Variants in NGFR observed in about 807,000 individuals in gnomAD.
The protein encoded by NGFR is tumor necrosis factor receptor superfamily member 16.
In NGFR, 30 loss-of-function variants were observed where a neutral mutation model predicts 43.2. That is an observed-to-expected ratio of 0.69 (90% CI 0.52 to 0.94). The LOEUF (loss-of-function observed/expected upper bound fraction) is 0.94. NGFR is among the 40% of genes least tolerant of loss of function. The probability of loss-of-function intolerance (pLI) is 0.00; values close to 1 mark genes in which losing one functional copy is unlikely to be tolerated. For synonymous variants in NGFR, 246 were observed against 259.6 expected, an observed-to-expected ratio of 0.95 and a Z score of 0.50; for missense variants, 529 against 602.5, an observed-to-expected ratio of 0.88 and a Z score of 1.28.
rs746803750 is a variant in NGFR, at chr17:49,506,623, G to A, written c.533G>A (p.Arg178His). ...TGCGAGGACACCGAGCGCCAGCTCC[G>A]CGAGTGCACACGCTGGGCCGACGCC... ...TVCEDTERQL[R>H]ECTRWADAEC... The change falls in exon 3 of 6, where the codon CGC becomes CAC. Residue 178 changes from arginine (R) to histidine (H), a missense_variant. Arg to His is a conservative substitution (Grantham distance 29). Transcript: ENST00000172229. 5 of 1,592,216 alleles carry A rather than the reference G, an allele frequency of 3.1e-6. No homozygotes were observed. The highest frequency in any genetic ancestry group is 2.7e-5 in the African/African-American group (2 of 74,382).
At chr17:49,506,055 G>C in intron 2 of NGFR, 1 of 649,362 alleles carries the variant, frequency 1.5e-6, no homozygotes, top group Non-Finnish European at 2.4e-6. Flanking sequence ...AAAGCCTCCC[G>C]GCCGGCCAGT....
rs943849256 is a variant in NGFR at position 49,510,442 on chromosome 17, C to T, written c.599C>T (p.Thr200Ile). Residue 200 changes from threonine (T) to isoleucine (I), a missense_variant, in exon 4 of 6, where the codon ACA becomes ATA. Coordinates refer to ENST00000172229, the MANE Select transcript of NGFR (RefSeq NM_002507.4). ...EIPGRWITRS[T>I]PPEGSDSTAP... ...CCTGGCCGTTGGATTACACGGTCCA[C>T]ACCCCCAGAGGGCTCGGACAGCACA... 9 of 1,613,932 alleles carry T rather than the reference C, an allele frequency of 5.6e-6. No homozygotes were observed. Among genetic ancestry groups the T allele is most frequent in the African/African-American group, 5.3e-5 (4 of 74,904 alleles).
At position 49,512,611 on chromosome 17, in the gene NGFR, A is replaced by G; in HGVS notation, c.983-97A>G. On this transcript the variant is annotated intron_variant, in intron 5 of 5. Coordinates refer to ENST00000172229, the MANE Select transcript of NGFR (RefSeq NM_002507.4). The surrounding 1 kb of genome is among the most constrained non-coding windows in gnomAD (Gnocchi z 5.2). ...GGCCCCAGGCCTCCAGATGGGGAGG[A>G]GCACTGCCTCGGCCCTTCTTGGGTC... 7.0e-7 allele frequency: 1 copy of G among 1,429,606 alleles called. No individual in the cohort carries two copies. The highest frequency in any genetic ancestry group is 1.4e-5 in the South Asian group (1 of 71,694). 88.6% of individuals were successfully genotyped at this position (1,429,606 alleles called of 1,614,324 possible).
At chr17:49,505,977 G>C (rs1304070236) in intron 2 of NGFR, 2 of 376,126 alleles carry the variant, frequency 5.3e-6, no homozygotes, top group Non-Finnish European at 9.5e-6. Flanking sequence ...TGGGAACATA[G>C]TACAGGCCTG....
At chr17:49,506,114 A>C in intron 2 of NGFR, 185 bp from the exon 3 acceptor site, 2 of 1,201,864 alleles carry the variant, frequency 1.7e-6, no homozygotes, top group East Asian at 2.8e-5. Context: ...CCCCTTTCCC[A>C]GTTGGCTGCC....
At chr17:49,502,004 CCCCCAA>C in intron 1 of NGFR, 53 bp from the exon 2 acceptor site, 1 of 356,536 alleles carries the variant, frequency 2.8e-6, no homozygotes, top group Non-Finnish European at 5.5e-6. Flanking sequence ...GGAAGAACCC[CCCCCAA>C]CCCACCCCAG....
chr17:49,512,024 G>A lies in NGFR; in HGVS notation c.954G>A (p.Gln318=). 1 of 1,613,732 alleles carries A rather than the reference G, an allele frequency of 6.2e-7. No homozygotes were observed. Among genetic ancestry groups the A allele is most frequent in the Non-Finnish European group, 8.5e-7 (1 of 1,179,882 alleles). ...SVDSQSLHDQ[Q]PHTQTASGQA... ...ACAGCCAGAGCCTGCATGACCAGCA[G>A]CCCCACACGCAGACAGCCTCGGGCC... The change falls in exon 5 of 6, where the codon CAG becomes CAA. Residue 318 remains glutamine, a synonymous_variant. Transcript: ENST00000172229. This position sits in a 1 kb window ranked among gnomAD's most constrained non-coding sequence, Gnocchi z 5.2.
chr17:49,514,176 C>T lies in NGFR; in HGVS notation c.*1167C>T, dbSNP rs368364806. The T allele has an allele frequency of 1.1e-4, 17 of 155,604 alleles. No homozygotes were observed. In the East Asian group the frequency reaches 2.1e-3, roughly 19 times the overall value. The allele number at this position is 155,604 out of a possible 1,614,324, so 9.6% of individuals were successfully genotyped here. A position where few individuals can be genotyped will look rare whatever the true frequency, so the allele number is the denominator to read the frequency against. On this transcript the variant is annotated 3_prime_UTR_variant, in exon 6 of 6. Coordinates refer to ENST00000172229, the MANE Select transcript of NGFR (RefSeq NM_002507.4). Reference sequence around the variant, plus strand: ...GCATCGGAGGGAATTGAGGTCTGCTCGGCCGTCTTCACTCGCCCCCGGGTT... The same window carrying T: ...GCATCGGAGGGAATTGAGGTCTGCTTGGCCGTCTTCACTCGCCCCCGGGTT...
Position 49,514,602 on chromosome 17 carries a change from G to A in NGFR, c.*1593G>A, listed in dbSNP as rs1223612655. 6.6e-6 allele frequency: 1 copy of A among 152,170 alleles called. No individual in the cohort carries two copies. The highest frequency in any genetic ancestry group is 6.5e-5 in the Admixed American group (1 of 15,274). 9.4% of individuals were successfully genotyped at this position (152,170 alleles called of 1,614,324 possible). A position where few individuals can be genotyped will look rare whatever the true frequency, so the allele number is the denominator to read the frequency against. On this transcript the variant is annotated 3_prime_UTR_variant, in exon 6 of 6. Coordinates refer to ENST00000172229, the MANE Select transcript of NGFR (RefSeq NM_002507.4). ...TGACAACCACCGCTCCCCAGCCCAGGGTTCCCCCAGCCCTGTGGAAGGGAC... is the reference window on the plus strand; with the variant it reads ...TGACAACCACCGCTCCCCAGCCCAGAGTTCCCCCAGCCCTGTGGAAGGGAC...
intron 2 of NGFR, among the ~76,000 whole-genome samples, chr17:49,504,774 T>C (rs868725475): frequency 1.8e-3 from 255 of 139,776 alleles, no homozygotes; most frequent in Middle Eastern, 0.018. Context: ...TCTTTCTTTT[T>C]TTTTTTTTTT....
At position 49,506,534 on chromosome 17, in the gene NGFR, G is replaced by A. The variant is rs2071199320; in HGVS notation, c.444G>A (p.Glu148=). The A allele has an allele frequency of 1.9e-6, 3 of 1,611,756 alleles. No individual in the cohort carries two copies. Among genetic ancestry groups the A allele is most frequent in the Non-Finnish European group, 2.5e-6 (3 of 1,179,628 alleles). ...ACAAGCAGAACACCGTGTGCGAGGA[G>A]TGCCCCGACGGCACGTATTCCGACG... ...CQDKQNTVCE[E]CPDGTYSDEA... is the part of the protein sequence containing the mutation. Residue 148 remains glutamate, a synonymous_variant, in exon 3 of 6, where the codon GAG becomes GAA. Coordinates refer to ENST00000172229, the MANE Select transcript of NGFR (RefSeq NM_002507.4).
rs141565167 is a variant in NGFR, at chr17:49,512,405, G to A, written c.983-303G>A. ...AATTAGTGGCCCATAGCCCAGCTCCGGGACACTTGCTGTAGTTGTCTAGAA... is the reference window on the plus strand; with the variant it reads ...AATTAGTGGCCCATAGCCCAGCTCCAGGACACTTGCTGTAGTTGTCTAGAA... On this transcript the variant is annotated intron_variant, in intron 5 of 5. Transcript: ENST00000172229. This position sits in a 1 kb window ranked among gnomAD's most constrained non-coding sequence, Gnocchi z 5.2. Among the ~76,000 whole-genome samples the A allele has an allele frequency of 1.9e-3, 285 of 152,276 alleles. No homozygotes were observed. Among genetic ancestry groups the A allele is most frequent in the African/African-American group, 6.4e-3 (265 of 41,558 alleles).
Position 49,512,177 on chromosome 17 carries a change from A to T in NGFR, c.982+125A>T. On this transcript the variant is annotated intron_variant, in intron 5 of 5. Coordinates refer to ENST00000172229, the MANE Select transcript of NGFR (RefSeq NM_002507.4). This position sits in a 1 kb window ranked among gnomAD's most constrained non-coding sequence, Gnocchi z 5.2. ...GGCTGGCTCAGCGGTGCCCCTGTAGATGGATGGAGAGGCTGGCCGAGGGGA... is the reference window on the plus strand; with the variant it reads ...GGCTGGCTCAGCGGTGCCCCTGTAGTTGGATGGAGAGGCTGGCCGAGGGGA... 3 of 1,200,078 alleles carry T rather than the reference A, an allele frequency of 2.5e-6. No homozygotes were observed. The highest frequency in any genetic ancestry group is 3.2e-5 in the South Asian group (2 of 62,294). 74.3% of individuals were successfully genotyped at this position (1,200,078 alleles called of 1,614,324 possible).
chr17:49,506,106 C>A, intron 2 of NGFR, 193 bp from the exon 3 acceptor site: 6 of 1,155,186 alleles, frequency 5.2e-6, no homozygotes, highest in Non-Finnish European at 4.6e-6. Flanking sequence ...GCCTCCTCCC[C>A]CTTTCCCAGT....
chr17:49,509,518 C>T (rs1011491125), intron 3 of NGFR, among the ~76,000 whole-genome samples: 1 of 152,198 alleles, frequency 6.6e-6, no homozygotes, highest in African/African-American at 2.4e-5. Context: ...AGGGCTGGGT[C>T]CCCTGCCAGG....
At chr17:49,505,589 A>G (rs2071191826) in intron 2 of NGFR, 1 of 152,292 alleles carries the variant, frequency 6.6e-6, no homozygotes, top group Non-Finnish European at 1.5e-5. Context: ...AAGGGTGATC[A>G]TATAGTTGTG....
intron 3 of NGFR, among the ~76,000 whole-genome samples, chr17:49,509,184 G>A (rs1037596825): frequency 3.9e-5 from 6 of 152,176 alleles, no homozygotes; most frequent in African/African-American, 1.4e-4. Flanking sequence ...TGGGGGCTTT[G>A]CCCCTCAGAA....
rs3785930 is a variant in NGFR, at chr17:49,509,560, G to T, written c.569-852G>T. Among the ~76,000 whole-genome samples the T allele has an allele frequency of 2.2e-4, 34 of 152,286 alleles. No individual in the cohort carries two copies. The South Asian group carries it at 3.1e-3, about 14-fold the overall frequency. Reference sequence around the variant, plus strand: ...GGCAATGCCCAGCTAGCATGAGAGGGTCTAGGTGGGTGGCAAGTCACAGTC... The same window carrying T: ...GGCAATGCCCAGCTAGCATGAGAGGTTCTAGGTGGGTGGCAAGTCACAGTC... On this transcript the variant is annotated intron_variant, in intron 3 of 5. Transcript: ENST00000172229.
At chr17:49,506,683 GGAGTGGGGGT>G in intron 3 of NGFR, 25 bp downstream of exon 3, 18 of 1,181,706 alleles carry the variant, frequency 1.5e-5, no homozygotes, top group Non-Finnish European at 2.0e-5. Context: ...GGGGGCGGGG[GGAGTGGGGGT>G]GCGGGGGTGG....
Sources: gnomAD v4.1 joint callset for allele counts (sites outside exome capture counted in the v4.1 genomes callset) on GRCh38, gnomAD v4.1.1 for gene constraint, Gnocchi (gnomAD v3.1) non-coding constraint, MANE v1.5 for transcripts, NCBI Gene and HGNC (gene_info 2026-07-23, HGNC 2026-07-21) for gene names.